The following PTPRT variants were observed in gnomAD, a reference collection of about 807,000 sequenced individuals.
PTPRT encodes receptor-type tyrosine-protein phosphatase T.
PTPRT carries 56 observed loss-of-function variants against 176.8 expected under a neutral mutation model. The observed-to-expected ratio is 0.32, with a 90% confidence interval of 0.26 to 0.40. PTPRT has a LOEUF of 0.40. Among genes scored for constraint, PTPRT ranks in the 10% least tolerant of loss-of-function variants. The pLI, the probability that PTPRT is intolerant of heterozygous loss-of-function variation, is 1.00. For synonymous variants in PTPRT, 783 were observed against 739.0 expected (o/e 1.06, Z -0.96); for missense variants, 1,540 against 1,908.2 (o/e 0.81, Z 3.60).
chr20:42,976,060 G>A (rs769277725), intron 1 of PTPRT, among the ~76,000 whole-genome samples: 1 of 152,230 alleles, frequency 6.6e-6, no homozygotes, highest in Middle Eastern at 3.4e-3. Flanking sequence ...ATAAGAAAAT[G>A]AATGTATACA....
intron 7 of PTPRT, among the ~76,000 whole-genome samples, chr20:42,635,347 T>C (rs192515915): frequency 1.1e-4 from 17 of 152,186 alleles, no homozygotes; most frequent in African/African-American, 3.6e-4. Context: ...TTAAATTCCA[T>C]GCAATGGTTA....
At chr20:43,042,379 T>TA (rs1986643699) in intron 1 of PTPRT, among the ~76,000 whole-genome samples, 1 of 148,586 alleles carries the variant, frequency 6.7e-6, no homozygotes, top group East Asian at 2.0e-4. Context: ...TTAGACACTA[T>TA]CATCTCCCAA....
chr20:43,166,623 A>G (rs1286757114), intron 1 of PTPRT, among the ~76,000 whole-genome samples: 1 of 152,166 alleles, frequency 6.6e-6, no homozygotes, highest in African/African-American at 2.4e-5. Context: ...CTTGCCTCAA[A>G]TGTATTACCA....
chr20:42,486,440 C>G (rs991082696), intron 7 of PTPRT, among the ~76,000 whole-genome samples: 1 of 152,176 alleles, frequency 6.6e-6, no homozygotes, highest in East Asian at 1.9e-4. Flanking sequence ...CATTTTCTAT[C>G]TCTTGCACAT....
intron 7 of PTPRT, among the ~76,000 whole-genome samples, chr20:42,617,375 A>C (rs1419416880): frequency 7.9e-4 from 104 of 132,402 alleles, no homozygotes; most frequent in African/African-American, 1.5e-3. Flanking sequence ...CTCAATGTTC[A>C]TCAAGGATAT....
chr20:42,347,594 A>G, intron 11 of PTPRT, among the ~76,000 whole-genome samples: 1 of 152,130 alleles, frequency 6.6e-6, no homozygotes, highest in East Asian at 1.9e-4. Flanking sequence ...AGGAATGGGG[A>G]TAGTTTAATA....
intron 9 of PTPRT, among the ~76,000 whole-genome samples, chr20:42,357,080 T>G (rs2058368243): frequency 6.6e-6 from 1 of 152,214 alleles, no homozygotes; most frequent in African/African-American, 2.4e-5. Flanking sequence ...CCACTAACTT[T>G]CCATGTAACC....
chr20:43,065,252 T>C (rs1987639965), intron 1 of PTPRT, among the ~76,000 whole-genome samples: 1 of 152,202 alleles, frequency 6.6e-6, no homozygotes, highest in South Asian at 2.1e-4. Flanking sequence ...GATTCACAGA[T>C]CTAGGATCCT....
chr20:42,716,424 C>G (rs1467426176), intron 6 of PTPRT, among the ~76,000 whole-genome samples: 2 of 152,154 alleles, frequency 1.3e-5, no homozygotes, highest in African/African-American at 4.8e-5. Flanking sequence ...TGTTTCCTGA[C>G]TTTTTAATGA....
At chr20:42,386,766 C>G (rs1401652438) in intron 9 of PTPRT, among the ~76,000 whole-genome samples, 2 of 152,084 alleles carry the variant, frequency 1.3e-5, no homozygotes, top group Non-Finnish European at 2.9e-5. Context: ...GAGGCTGAGG[C>G]AAAGAATTGC....
chr20:42,080,973 G>T, intron 30 of PTPRT, 41 bp from the exon 31 acceptor site: 1 of 1,473,254 alleles, frequency 6.8e-7, no homozygotes, highest in South Asian at 1.1e-5. Context: ...GGGAGAAGAG[G>T]AGACGAGAGA....
chr20:42,831,500 G>T (rs1013587901), intron 2 of PTPRT, among the ~76,000 whole-genome samples: 2 of 152,100 alleles, frequency 1.3e-5, no homozygotes, highest in African/African-American at 4.8e-5. Flanking sequence ...TACCAAAAGT[G>T]ATTGCAATAA....
intron 1 of PTPRT, among the ~76,000 whole-genome samples, chr20:42,970,228 A>G (rs1241426448): frequency 1.3e-5 from 2 of 152,228 alleles, no homozygotes; most frequent in Non-Finnish European, 2.9e-5. Context: ...GATCATAATT[A>G]CAATGCTTTA....
At chr20:43,134,959 TGTTCACGCCA>T (rs1004810255) in intron 1 of PTPRT, among the ~76,000 whole-genome samples, 1 of 152,178 alleles carries the variant, frequency 6.6e-6, no homozygotes, top group Non-Finnish European at 1.5e-5. Flanking sequence ...GGCCTCAACC[TGTTCACGCCA>T]GTAGCACCCA....
At chr20:42,219,634 G>T (rs1447309664) in intron 15 of PTPRT, among the ~76,000 whole-genome samples, 3 of 152,340 alleles carry the variant, frequency 2.0e-5, no homozygotes, top group Middle Eastern at 3.4e-3. Context: ...TGGGTGCCAG[G>T]CACTGGGCTC....
chr20:42,604,635 A>G (rs2073840668), intron 7 of PTPRT, among the ~76,000 whole-genome samples: 1 of 152,152 alleles, frequency 6.6e-6, no homozygotes, highest in Non-Finnish European at 1.5e-5. Context: ...GCACACATCC[A>G]CTAGGGAGCT....
chr20:42,202,346 C>T (rs1039835647), intron 15 of PTPRT, among the ~76,000 whole-genome samples: 6 of 152,190 alleles, frequency 3.9e-5, no homozygotes, highest in African/African-American at 1.4e-4. Flanking sequence ...TCTTTATTCA[C>T]TAATTTTTTT....
intron 1 of PTPRT, among the ~76,000 whole-genome samples, chr20:42,904,877 A>G (rs2079453785): frequency 6.6e-6 from 1 of 152,230 alleles, no homozygotes; most frequent in African/African-American, 2.4e-5. Flanking sequence ...TAGAAAGCTG[A>G]AACTGGATCC....
At chr20:42,538,491 C>A (rs1330816909) in intron 7 of PTPRT, among the ~76,000 whole-genome samples, 1 of 152,240 alleles carries the variant, frequency 6.6e-6, no homozygotes, top group Admixed American at 6.5e-5. Flanking sequence ...CATGTAAAAG[C>A]ATCTTGACCT....
Sources: allele counts gnomAD v4.1 joint callset (sites outside exome capture counted in the v4.1 genomes callset), GRCh38; gene constraint gnomAD v4.1.1; transcripts MANE v1.5; gene names NCBI Gene and HGNC (gene_info 2026-07-23, HGNC 2026-07-21).